MYO18B: variants seen among roughly 807,000 people sequenced by gnomAD.
The protein encoded by MYO18B is unconventional myosin-XVIIIb.
MYO18B carries 204 observed loss-of-function variants against 273.0 expected under a neutral mutation model. The ratio of observed to expected loss-of-function variants is 0.75; its 90% CI spans 0.67 to 0.84. MYO18B has a LOEUF of 0.84. Ranked by LOEUF, MYO18B falls within the 40% of genes least tolerant of loss-of-function variation. MYO18B has a pLI of 0.00. For synonymous variants in MYO18B, 1,330 were observed against 1,305.7 expected (o/e 1.02, Z -0.40); for missense variants, 3,212 against 3,287.6 (o/e 0.98, Z 0.56).
At chr22:25,952,802 C>T (rs965371528) in intron 38 of MYO18B, among the ~76,000 whole-genome samples, 9 of 152,192 alleles carry the variant, frequency 5.9e-5, no homozygotes, top group African/African-American at 9.7e-5. Flanking sequence ...TTCCTACCTC[C>T]GTCCACCTAC....
intron 21 of MYO18B, among the ~76,000 whole-genome samples, chr22:25,866,823 T>C (rs1413074095): frequency 4.2e-5 from 6 of 142,200 alleles, no homozygotes; most frequent in African/African-American, 1.3e-4. Flanking sequence ...AATAGTACTA[T>C]AGTGCGTACA....
At chr22:25,769,479 G>A in intron 4 of MYO18B, 51 bp downstream of exon 4, 1 of 1,424,018 alleles carries the variant, frequency 7.0e-7, no homozygotes. Context: ...GGCCTCTCCA[G>A]AGATGCAGGG....
In MYO18B at chr22:25,992,154, T is replaced by G. The variant is rs912944334; in HGVS notation, c.6157-209T>G. Among the ~76,000 whole-genome samples the G allele has an allele frequency of 2.6e-5, 4 of 152,102 alleles. No homozygotes were observed. The East Asian group carries it at 7.7e-4, about 29-fold the overall frequency. On this transcript the variant is annotated intron_variant, in intron 39 of 43. Transcript: ENST00000335473. ...AAGCTCTGTGTGCCATGCCCTGGAG[T>G]ATCTATTCCCTCCTCTATGAAACTT... is the stretch of plus-strand genomic sequence containing the variant.
chr22:25,882,690 A>G (rs1039725395), intron 25 of MYO18B, among the ~76,000 whole-genome samples: 2 of 152,174 alleles, frequency 1.3e-5, no homozygotes, highest in Non-Finnish European at 2.9e-5. Context: ...TTCCCACTTC[A>G]TCTTCCCCAA....
At chr22:25,801,863 A>G (rs926190850) in intron 12 of MYO18B, among the ~76,000 whole-genome samples, 2 of 152,234 alleles carry the variant, frequency 1.3e-5, no homozygotes, top group African/African-American at 2.4e-5. Flanking sequence ...ACATAGAGCT[A>G]AAGCTAGAGA....
chr22:25,983,843 C>G (rs1370097011), intron 39 of MYO18B, among the ~76,000 whole-genome samples: 1 of 152,238 alleles, frequency 6.6e-6, no homozygotes. Context: ...GGTCTCACTT[C>G]CCATTGGATG....
chr22:25,898,138 A>G lies in MYO18B; in HGVS notation c.4669-169A>G, dbSNP rs1311504173. 9.5e-6 allele frequency: 6 copies of G among 629,132 alleles called. No individual in the cohort carries two copies. In the African/African-American group the frequency reaches 1.1e-4, roughly 12 times the overall value. 39.0% of individuals were successfully genotyped at this position (629,132 alleles called of 1,614,324 possible). On this transcript the variant is annotated intron_variant, in intron 28 of 43. Coordinates refer to ENST00000335473, the MANE Select transcript of MYO18B (RefSeq NM_032608.7). The stretch of plus-strand genomic sequence containing the variant: ...TGAGCAAACTGAGGCTCAGAAAAGT[A>G]GCTTCCTGGAGGTGACCCTGGAGGA...
intron 39 of MYO18B, among the ~76,000 whole-genome samples, chr22:25,959,979 C>T (rs1438399957): frequency 6.6e-6 from 1 of 152,170 alleles, no homozygotes; most frequent in Non-Finnish European, 1.5e-5. Flanking sequence ...CTCCTGTCCA[C>T]AATCCTTTCC....
At chr22:26,018,619 A>C (rs1935565348) in intron 42 of MYO18B, among the ~76,000 whole-genome samples, 1 of 151,870 alleles carries the variant, frequency 6.6e-6, no homozygotes, top group Admixed American at 6.6e-5. Context: ...TTGAAATCCT[A>C]CCCTTCTTCC....
rs1215395028 is a variant in MYO18B, at chr22:26,026,900, C to G, written c.6926C>G (p.Ser2309Ter). 7 of 1,606,970 alleles carry G rather than the reference C, an allele frequency of 4.4e-6. No individual in the cohort carries two copies. In the Admixed American group the frequency reaches 1.0e-4, roughly 23 times the overall value. ...GNLSLRVGAK[S>*]PLEIEGAAGG... ...CTCTCGCTGAGGGTTGGGGCAAAGT[C>G]ACCCCTGGAAATCGAAGGGGCCGCT... The change falls in exon 43 of 44, where the codon TCA becomes TGA. Residue 2309 changes from serine to a stop codon, truncating the protein, a stop_gained. Transcript: ENST00000335473. LOFTEE classifies it high-confidence loss of function.
intron 15 of MYO18B, among the ~76,000 whole-genome samples, chr22:25,830,540 G>A (rs960034402): frequency 1.3e-5 from 2 of 152,172 alleles, no homozygotes; most frequent in African/African-American, 4.8e-5. Flanking sequence ...GGCCATGAAC[G>A]GATCTAGGCA....
chr22:25,947,180 T>G (rs564814164), intron 35 of MYO18B, among the ~76,000 whole-genome samples: 1 of 151,900 alleles, frequency 6.6e-6, no homozygotes, highest in South Asian at 2.1e-4. Context: ...CATATTCACG[T>G]GCGATCACCA....
At chr22:25,956,176 T>C (rs1192693263) in intron 39 of MYO18B, among the ~76,000 whole-genome samples, 1 of 151,586 alleles carries the variant, frequency 6.6e-6, no homozygotes. Context: ...TTTTAGTCAC[T>C]AACTCATATT....
intron 1 of MYO18B, among the ~76,000 whole-genome samples, chr22:25,744,401 A>AT (rs2085714718): frequency 6.6e-6 from 1 of 152,158 alleles, no homozygotes; most frequent in African/African-American, 2.4e-5. Flanking sequence ...TTTGAAGCAC[A>AT]TGGTCAGCTG....
At chr22:25,780,314 A>G in intron 9 of MYO18B, 116 bp downstream of exon 9, 1 of 1,287,606 alleles carries the variant, frequency 7.8e-7, no homozygotes, top group Non-Finnish European at 1.0e-6. Flanking sequence ...TGAAATGGTC[A>G]TGGCGGTGGC....
intron 39 of MYO18B, among the ~76,000 whole-genome samples, chr22:25,965,626 T>G (rs2092969164): frequency 6.6e-6 from 1 of 152,244 alleles, no homozygotes; most frequent in Admixed American, 6.5e-5. Context: ...ATATATCATT[T>G]GCACCATACA....
intron 15 of MYO18B, among the ~76,000 whole-genome samples, chr22:25,830,635 G>A (rs908366040): frequency 6.6e-6 from 1 of 152,188 alleles, no homozygotes; most frequent in Non-Finnish European, 1.5e-5. Flanking sequence ...GTAGTGCTGG[G>A]CAGGGTTCCA....
At chr22:25,831,116 A>T (rs1389341783) in intron 15 of MYO18B, among the ~76,000 whole-genome samples, 1 of 152,118 alleles carries the variant, frequency 6.6e-6, no homozygotes, top group Non-Finnish European at 1.5e-5. Flanking sequence ...TGTTGTTGTT[A>T]CCATTTTCCC....
At chr22:25,814,342 CAG>C in intron 12 of MYO18B, among the ~76,000 whole-genome samples, 1 of 78,188 alleles carries the variant, frequency 1.3e-5, no homozygotes, top group African/African-American at 5.0e-5. Context: ...TTTTTTGAGA[CAG>C]AGTTTCACTC....
Sources: allele counts gnomAD v4.1 joint callset (sites outside exome capture counted in the v4.1 genomes callset), GRCh38; gene constraint gnomAD v4.1.1; transcripts MANE v1.5; gene names NCBI Gene and HGNC (gene_info 2026-07-23, HGNC 2026-07-21).